LNX1: variants seen among roughly 807,000 people sequenced by gnomAD.
LNX1 encodes E3 ubiquitin-protein ligase LNX.
LNX1 carries 54 observed loss-of-function variants against 68.4 expected under a neutral mutation model. The observed-to-expected ratio is 0.79, with a 90% confidence interval of 0.63 to 0.99. The LOEUF (loss-of-function observed/expected upper bound fraction) is 0.99. LNX1 is among the 50% of genes least tolerant of loss of function. The pLI is 0.00. For missense variants in LNX1, 906 were observed against 926.4 expected (o/e 0.98, Z 0.29); for synonymous variants, 336 against 350.0 (o/e 0.96, Z 0.45).
At chr4:53,471,645 GA>G (rs907367863) in intron 9 of LNX1, among the ~76,000 whole-genome samples, 7 of 149,892 alleles carry the variant, frequency 4.7e-5, no homozygotes, top group South Asian at 2.1e-4. Flanking sequence ...AAGTTTACAA[GA>G]AAAAAAAACC....
chr4:53,555,680 C>T (rs996251628), intron 2 of LNX1, among the ~76,000 whole-genome samples: 5 of 152,232 alleles, frequency 3.3e-5, no homozygotes, highest in South Asian at 2.1e-4. Flanking sequence ...CCAGTAGCAT[C>T]GGGGAACAGC....
rs369594729 is a variant in LNX1, at chr4:53,466,261, T to C, written c.1893-4668A>G. 3.9e-5 allele frequency among the ~76,000 whole-genome samples: 6 copies of C among 152,344 alleles called. No homozygotes were observed. The East Asian group carries it at 7.7e-4, about 20-fold the overall frequency. On this transcript the variant is annotated intron_variant, in intron 9 of 10. Coordinates refer to ENST00000263925, the MANE Select transcript of LNX1 (RefSeq NM_001126328.3). ...CCAATGAAGTTATATTCACCATCTA[T>C]AAATAGGCTACTTCTCTAATTTGGC...
At chr4:53,582,949 A>G (rs1326952146) in intron 1 of LNX1, among the ~76,000 whole-genome samples, 1 of 152,100 alleles carries the variant, frequency 6.6e-6, no homozygotes, top group African/African-American at 2.4e-5. Context: ...TTCTAAAATA[A>G]TTCACCCAGC....
intron 2 of LNX1, among the ~76,000 whole-genome samples, chr4:53,564,600 A>G (rs1409114883): frequency 6.6e-6 from 1 of 152,202 alleles, no homozygotes; most frequent in African/African-American, 2.4e-5. Flanking sequence ...ATATGGCAAA[A>G]GGGACTTTGC....
intron 4 of LNX1, among the ~76,000 whole-genome samples, chr4:53,505,958 G>C (rs945436482): frequency 1.3e-5 from 2 of 152,178 alleles, no homozygotes; most frequent in Non-Finnish European, 1.5e-5. Flanking sequence ...AATAAGCTGA[G>C]AGCTGTTAGA....
intron 2 of LNX1, among the ~76,000 whole-genome samples, chr4:53,553,004 AC>A (rs1729624706): frequency 6.6e-6 from 1 of 152,166 alleles, no homozygotes; most frequent in South Asian, 2.1e-4. Context: ...TTCCGTAGAA[AC>A]CAACCAGGGT....
Position 53,460,725 on chromosome 4 carries a change from T to TTTAA in LNX1, c.*178_*181dup, listed in dbSNP as rs1721861276. The TTTAA allele has an allele frequency of 3.5e-6, 2 of 579,646 alleles. No individual in the cohort carries two copies. Among genetic ancestry groups the TTTAA allele is most frequent in the Admixed American group, 3.8e-5 (1 of 26,002 alleles). 35.9% of individuals were successfully genotyped at this position (579,646 alleles called of 1,614,324 possible). ...TCCACACTGAAAAAAAACTAGTAGT[T>TTTAA]TTAATTTTTTTGGAATCATATTTTC... On this transcript the variant is annotated 3_prime_UTR_variant, in exon 11 of 11. Coordinates refer to ENST00000263925, the MANE Select transcript of LNX1 (RefSeq NM_001126328.3).
At chr4:53,552,577 C>T (rs1729587568) in intron 2 of LNX1, among the ~76,000 whole-genome samples, 1 of 152,092 alleles carries the variant, frequency 6.6e-6, no homozygotes, top group Admixed American at 6.5e-5. Context: ...GCCTGTAATT[C>T]CAGCACTTTG....
chr4:53,611,898 T>C (rs891920268), intron 2 of LNX1, among the ~76,000 whole-genome samples: 2 of 152,166 alleles, frequency 1.3e-5, no homozygotes, highest in African/African-American at 2.4e-5. Context: ...ATAGCTGTAT[T>C]TGACTGAAAA....
intron 2 of LNX1, among the ~76,000 whole-genome samples, chr4:53,605,840 G>T (rs1733207849): frequency 6.6e-6 from 1 of 152,110 alleles, no homozygotes; most frequent in Non-Finnish European, 1.5e-5. Context: ...CACTTTGGTT[G>T]TTTTCATAGC....
chr4:53,567,212 A>C (rs1266610844), intron 2 of LNX1, among the ~76,000 whole-genome samples: 2 of 145,238 alleles, frequency 1.4e-5, no homozygotes, highest in Admixed American at 7.0e-5. Context: ...GCACCACACC[A>C]CACCTATTCC....
chr4:53,523,919 T>A (rs1462129755), intron 2 of LNX1, among the ~76,000 whole-genome samples: 1 of 152,202 alleles, frequency 6.6e-6, no homozygotes, highest in Non-Finnish European at 1.5e-5. Context: ...AATAAGTTGA[T>A]TAGGATACTG....
intron 1 of LNX1, among the ~76,000 whole-genome samples, chr4:53,638,214 C>A (rs1440966942): frequency 1.3e-5 from 2 of 152,114 alleles, no homozygotes; most frequent in African/African-American, 4.8e-5. Context: ...GGCTTCTCTG[C>A]TGGGTTTGCA....
intron 1 of LNX1, among the ~76,000 whole-genome samples, chr4:53,634,447 T>C (rs1734391137): frequency 6.6e-6 from 1 of 152,120 alleles, no homozygotes; most frequent in African/African-American, 2.4e-5. Flanking sequence ...TTTCACCATG[T>C]TGGCCAGGCT....
At chr4:53,501,668 C>T (rs1367240653) in intron 4 of LNX1, among the ~76,000 whole-genome samples, 10 of 152,126 alleles carry the variant, frequency 6.6e-5, no homozygotes, top group South Asian at 2.1e-4. Context: ...TAAACAGTGG[C>T]GCCAGTCCCT....
chr4:53,521,452 C>T (rs370799507), intron 2 of LNX1, among the ~76,000 whole-genome samples: 22 of 152,208 alleles, frequency 1.4e-4, no homozygotes, highest in East Asian at 9.6e-4. Flanking sequence ...CACAGGCCCT[C>T]CTGGATATGC....
intron 2 of LNX1, among the ~76,000 whole-genome samples, chr4:53,510,083 T>A (rs1030800476): frequency 5.9e-5 from 9 of 152,222 alleles, no homozygotes; most frequent in African/African-American, 2.2e-4. Context: ...TTTTATCTGC[T>A]TAGAAAGATG....
At chr4:53,634,800 A>G (rs1254364106) in intron 1 of LNX1, among the ~76,000 whole-genome samples, 4 of 151,432 alleles carry the variant, frequency 2.6e-5, no homozygotes, top group Non-Finnish European at 5.9e-5. Context: ...CCTGGGAAGT[A>G]GCCCTCTCTG....
chr4:53,609,525 A>G (rs1283255062), intron 2 of LNX1, among the ~76,000 whole-genome samples: 1 of 148,066 alleles, frequency 6.8e-6, no homozygotes, highest in Non-Finnish European at 1.5e-5. Flanking sequence ...ATTTTATAGC[A>G]TTTAAAATTC....
Sources: gnomAD v4.1 joint callset for allele counts (sites outside exome capture counted in the v4.1 genomes callset) on GRCh38, gnomAD v4.1.1 for gene constraint, MANE v1.5 for transcripts, NCBI Gene and HGNC (gene_info 2026-07-23, HGNC 2026-07-21) for gene names.